The following RIT2 variants were observed in gnomAD, a reference collection of about 807,000 sequenced individuals.
RIT2 encodes the protein Ras like without CAAX 2, also known as GTP-binding protein Rit2.
RIT2 carries 24 observed loss-of-function variants against 23.7 expected under a neutral mutation model. The observed-to-expected ratio is 1.01, with a 90% CI of 0.73 to 1.43. The LOEUF (loss-of-function observed/expected upper bound fraction) is 1.43, where lower values mean the gene tolerates loss of function less well. Among genes scored for constraint, RIT2 ranks in the 40% most tolerant of loss-of-function variants. The pLI is 0.00. For synonymous variants in RIT2, 107 were observed against 91.1 expected (o/e 1.17, Z -0.99); for missense variants, 236 against 266.9 (o/e 0.88, Z 0.81).
At chr18:43,111,240 T>C (rs1331678488) in intron 1 of RIT2, among the ~76,000 whole-genome samples, 3 of 152,118 alleles carry the variant, frequency 2.0e-5, no homozygotes, top group Admixed American at 2.0e-4. Context: ...TTGTGGAAGT[T>C]AAAAATTAAA....
chr18:43,074,150 G>A (rs1912959743), intron 1 of RIT2, among the ~76,000 whole-genome samples: 1 of 152,122 alleles, frequency 6.6e-6, no homozygotes, highest in Non-Finnish European at 1.5e-5. Context: ...TTTAGGAGCA[G>A]CATAAGAACA....
rs570701535 is a variant in RIT2 at position 42,837,153 on chromosome 18, C to CTTTTTTTTTTTTTTTTTTTTT, written c.426+86398_426+86418dup. Reference sequence around the variant, plus strand: ...TAAAAATTTCTTTTTTTTTCTTTTTCTTTTTTTTTTTTTTTTTTTTTTTTT... The same window carrying CTTTTTTTTTTTTTTTTTTTTT: ...TAAAAATTTCTTTTTTTTTCTTTTTCTTTTTTTTTTTTTTTTTTTTTTTTTTTTTTTTTTTTTTTTTTTTTT... On this transcript the variant is annotated intron_variant, in intron 4 of 4. Coordinates refer to ENST00000326695, the MANE Select transcript of RIT2 (RefSeq NM_002930.4). Among the ~76,000 whole-genome samples the CTTTTTTTTTTTTTTTTTTTTT allele has an allele frequency of 2.5e-3, 128 of 51,710 alleles. 25 individuals carry two copies. The highest frequency in any genetic ancestry group is 3.4e-3 in the Non-Finnish European group (95 of 27,904). The allele number at this position is 51,710 out of a possible 152,430, so 33.9% of individuals were successfully genotyped here.
intron 2 of RIT2, among the ~76,000 whole-genome samples, chr18:43,027,629 C>T (rs1911764195): frequency 6.6e-6 from 1 of 151,840 alleles, no homozygotes; most frequent in African/African-American, 2.4e-5. Flanking sequence ...GCAAGGTCAT[C>T]AGTGAAGATG....
At chr18:42,809,139 T>C (rs1598662741) in intron 4 of RIT2, among the ~76,000 whole-genome samples, 1 of 152,128 alleles carries the variant, frequency 6.6e-6, no homozygotes, top group Non-Finnish European at 1.5e-5. Context: ...ATTCGAGAAA[T>C]TATTCTGACT....
At chr18:42,908,067 T>C (rs1908670106) in intron 4 of RIT2, among the ~76,000 whole-genome samples, 1 of 146,666 alleles carries the variant, frequency 6.8e-6, no homozygotes, top group South Asian at 2.1e-4. Context: ...AGGACATAAA[T>C]AGAATATATA....
At chr18:43,113,810 T>G (rs556855929) in intron 1 of RIT2, among the ~76,000 whole-genome samples, 1 of 152,314 alleles carries the variant, frequency 6.6e-6, no homozygotes, top group South Asian at 2.1e-4. Flanking sequence ...AGGCACATTA[T>G]TGCGACAATT....
chr18:42,980,111 C>A (rs1207349813), intron 2 of RIT2, among the ~76,000 whole-genome samples: 1 of 152,078 alleles, frequency 6.6e-6, no homozygotes. Flanking sequence ...TAAAAGTCTA[C>A]CTGTTTGTTG....
intron 4 of RIT2, among the ~76,000 whole-genome samples, chr18:42,821,659 G>A (rs1025910102): frequency 3.3e-5 from 5 of 152,130 alleles, no homozygotes; most frequent in Non-Finnish European, 7.4e-5. Flanking sequence ...AGCTTAAAAT[G>A]TCAATTGTTT....
chr18:42,773,208 C>T (rs1234350579), intron 4 of RIT2, among the ~76,000 whole-genome samples: 2 of 152,014 alleles, frequency 1.3e-5, no homozygotes, highest in Non-Finnish European at 2.9e-5. Context: ...TATTTATGAA[C>T]TGATGATAAA....
chr18:42,950,338 G>T (rs2144171483), intron 3 of RIT2, among the ~76,000 whole-genome samples: 1 of 152,192 alleles, frequency 6.6e-6, no homozygotes, highest in African/African-American at 2.4e-5. Context: ...GAGCTGGCTA[G>T]ACATCTGCAG....
intron 4 of RIT2, among the ~76,000 whole-genome samples, chr18:42,846,577 A>G (rs978807092): frequency 3.3e-5 from 5 of 152,006 alleles, no homozygotes; most frequent in African/African-American, 1.2e-4. Context: ...ATCAATATAT[A>G]AATGAACATT....
At chr18:42,940,505 G>T (rs1909576158) in intron 3 of RIT2, among the ~76,000 whole-genome samples, 1 of 151,404 alleles carries the variant, frequency 6.6e-6, no homozygotes, top group South Asian at 2.1e-4. Flanking sequence ...ACACCGTATG[G>T]CTGGCTTCCA....
chr18:42,930,314 A>G (rs1909294469), intron 3 of RIT2, among the ~76,000 whole-genome samples: 1 of 151,976 alleles, frequency 6.6e-6, no homozygotes, highest in African/African-American at 2.4e-5. Flanking sequence ...GTAATTCTGA[A>G]GTGAGGTTTC....
chr18:42,762,494 T>A (rs931547342), intron 4 of RIT2, among the ~76,000 whole-genome samples: 2 of 152,200 alleles, frequency 1.3e-5, no homozygotes, highest in African/African-American at 4.8e-5. Flanking sequence ...AAAGGATGCA[T>A]AACTGCTTGA....
chr18:43,017,851 C>T (rs1453275393), intron 2 of RIT2, among the ~76,000 whole-genome samples: 1 of 151,976 alleles, frequency 6.6e-6, no homozygotes, highest in East Asian at 1.9e-4. Context: ...ATCAAACATC[C>T]ATCTGTGAGC....
chr18:43,110,258 C>T (rs1913922768), intron 1 of RIT2, among the ~76,000 whole-genome samples: 1 of 151,834 alleles, frequency 6.6e-6, no homozygotes, highest in South Asian at 2.1e-4. Context: ...TATATACCCA[C>T]TATGTACCCA....
At chr18:43,105,157 T>G (rs1251204274) in intron 1 of RIT2, among the ~76,000 whole-genome samples, 1 of 151,578 alleles carries the variant, frequency 6.6e-6, no homozygotes, top group Non-Finnish European at 1.5e-5. Flanking sequence ...TGTGTTTGTG[T>G]GTGGTATGGG....
chr18:42,997,987 C>T (rs923033717), intron 2 of RIT2, among the ~76,000 whole-genome samples: 2 of 152,090 alleles, frequency 1.3e-5, no homozygotes, highest in Non-Finnish European at 2.9e-5. Flanking sequence ...GTAACCAAAT[C>T]ATCTAAGCCA....
chr18:43,048,182 A>T (rs1248401550), intron 1 of RIT2, among the ~76,000 whole-genome samples: 1 of 152,170 alleles, frequency 6.6e-6, no homozygotes, highest in African/African-American at 2.4e-5. Context: ...TGGTTGTATT[A>T]TATGGGTTCG....
Sources: gnomAD v4.1 joint callset for allele counts (sites outside exome capture counted in the v4.1 genomes callset) on GRCh38, gnomAD v4.1.1 for gene constraint, MANE v1.5 for transcripts, NCBI Gene and HGNC (gene_info 2026-07-23, HGNC 2026-07-21) for gene names.